The following THBS3 variants were observed in gnomAD, a reference collection of about 807,000 sequenced individuals.
THBS3 encodes thrombospondin 3.
THBS3 carries 78 observed loss-of-function variants against 118.3 expected under a neutral mutation model. The observed-to-expected ratio is 0.66, with a 90% CI of 0.55 to 0.80. The LOEUF is 0.80. THBS3 is among the 30% of genes least tolerant of loss of function. The probability of loss-of-function intolerance (pLI) is 0.00; values close to 1 mark genes in which losing one functional copy is unlikely to be tolerated. For synonymous variants in THBS3, 427 were observed against 475.3 expected, an observed-to-expected ratio of 0.90 and a Z score of 1.32; for missense variants, 1,057 against 1,247.4, an observed-to-expected ratio of 0.85 and a Z score of 2.30.
chr1:155,197,386 A>T lies in THBS3; in HGVS notation c.2499+77T>A. 1.3e-6 allele frequency: 2 copies of T among 1,557,946 alleles called. No individual in the cohort carries two copies. The highest frequency in any genetic ancestry group is 1.7e-6 in the Non-Finnish European group (2 of 1,145,854). On this transcript the variant is annotated intron_variant, in intron 20 of 22. Transcript: ENST00000368378. The surrounding 1 kb of genome is among the most constrained non-coding windows in gnomAD (Gnocchi z 5.0). ...TGGGTAAGAGGGTTCCCAGTCAAGC[A>T]GTGGGGGAGGCCCTGGGGCTGCAGA...
Position 155,195,794 on chromosome 1 carries a change from G to A in THBS3, c.*47C>T, listed in dbSNP as rs1304329164. 1 of 1,603,554 alleles carries A rather than the reference G, an allele frequency of 6.2e-7. No individual in the cohort carries two copies. Among genetic ancestry groups the A allele is most frequent in the South Asian group, 1.1e-5 (1 of 90,740 alleles). The stretch of plus-strand genomic sequence containing the variant: ...TCAGGGTCTCCAGGATGGACCCCAA[G>A]GCCAAAGGGTCTAAAATTCTGAATT... On this transcript the variant is annotated 3_prime_UTR_variant, in exon 23 of 23. Transcript: ENST00000368378.
Position 155,201,973 on chromosome 1 carries a change from A to G in THBS3, c.1160T>C (p.Ile387Thr). 1.2e-6 allele frequency: 2 copies of G among 1,614,062 alleles called. No individual in the cohort carries two copies. The highest frequency in any genetic ancestry group is 1.7e-6 in the Non-Finnish European group (2 of 1,180,024). Reference sequence around the variant, plus strand: ...TCAGCTCACCACAGTGTTGGTGCAGATGGAGTTTGGGTCACAGCCACCATT... The same window carrying G: ...TCAGCTCACCACAGTGTTGGTGCAGGTGGAGTTTGGGTCACAGCCACCATT... Reference protein sequence around the residue: ...GNNGGCDPNSICTNTVGSFKC... With the variant: ...GNNGGCDPNSTCTNTVGSFKC... The change falls in exon 10 of 23, where the codon ATC becomes ACC. Residue 387 changes from isoleucine (I) to threonine (T), a missense_variant. Transcript: ENST00000368378.
upstream of THBS3, chr1:155,207,977 G>GA (rs1670804185): frequency 1.3e-6 from 1 of 760,744 alleles, no homozygotes. Flanking sequence ...CAGAATTGGA[G>GA]GGGGGGCCAG....
chr1:155,201,815 A>C (rs1343717517), intron 10 of THBS3, 142 bp downstream of exon 10: 2 of 1,304,272 alleles, frequency 1.5e-6, no homozygotes, highest in Non-Finnish European at 2.1e-6. Flanking sequence ...CAGTATTCCA[A>C]ACCAAGTCCA....
chr1:155,199,946 C>A, intron 15 of THBS3, 49 bp downstream of exon 15: 1 of 1,609,712 alleles, frequency 6.2e-7, no homozygotes, highest in Non-Finnish European at 8.5e-7. Flanking sequence ...GCTGGGGCTT[C>A]ATCCATCAGT....
At chr1:155,196,301 A>G in intron 21 of THBS3, 175 bp from the exon 22 acceptor site, 1 of 741,150 alleles carries the variant, frequency 1.3e-6, no homozygotes, top group African/African-American at 1.8e-5. Flanking sequence ...TGCTTTTCTC[A>G]GGCCTGGGGC....
intron 13 of THBS3, 47 bp downstream of exon 13, chr1:155,200,850 G>A: frequency 1.2e-6 from 2 of 1,613,926 alleles, no homozygotes; most frequent in South Asian, 1.1e-5. Flanking sequence ...AGAGAGGACA[G>A]GAGGAGGGGA....
In THBS3 at chr1:155,203,271, G is replaced by T; in HGVS notation, c.708C>A (p.Thr236=). Residue 236 remains threonine (T), a synonymous_variant, in exon 6 of 23, where the codon ACC becomes ACA. Transcript: ENST00000368378. ...GCTCCACCAGGATCTGGTTGAAGAG[G>T]GTGAGTTGGGTGACCAGCGCCTTGG... The part of the protein sequence containing the change: ...EQTKALVTQL[T]LFNQILVELR... 6.2e-7 allele frequency: 1 copy of T among 1,614,152 alleles called. No homozygotes were observed. The highest frequency in any genetic ancestry group is 8.5e-7 in the Non-Finnish European group (1 of 1,180,040).
rs1418200857 is a variant in THBS3, at chr1:155,202,005, A to T, written c.1128T>A (p.Asp376Glu). The T allele has an allele frequency of 3.7e-6, 6 of 1,614,054 alleles. No individual in the cohort carries two copies. Among genetic ancestry groups the T allele is most frequent in the Non-Finnish European group, 5.1e-6 (6 of 1,180,050 alleles). The change falls in exon 10 of 23, where the codon GAT (aspartate) becomes GAA (glutamate). Residue 376 changes from aspartate (D) to glutamate (E), a missense_variant. Coordinates refer to ENST00000368378, the MANE Select transcript of THBS3 (RefSeq NM_007112.5). The surrounding 1 kb of genome is among the most constrained non-coding windows in gnomAD (Gnocchi z 5.5). ...TTGGGTCACAGCCACCATTGTTGCC[A>T]TCGTTGCATTCATCGATGTCATTGC... Reference protein sequence around the residue: ...QVCNDIDECNDGNNGGCDPNS... With the variant: ...QVCNDIDECNEGNNGGCDPNS...
At chr1:155,203,475 C>T (rs1670098806) in intron 5 of THBS3, 38 bp downstream of exon 5, 1 of 1,611,876 alleles carries the variant, frequency 6.2e-7, no homozygotes, top group Non-Finnish European at 8.5e-7. Context: ...GGGGCCTCCT[C>T]CCCGCTCCCC....
At chr1:155,199,564 G>T (rs423144) in intron 16 of THBS3, among the ~76,000 whole-genome samples, 61,062 of 151,878 alleles carry the variant, frequency 0.4, 13,323 homozygotes, top group East Asian at 0.76. Flanking sequence ...GACCAGCCTG[G>T]CCAACATGGT....
At position 155,201,207 on chromosome 1, in the gene THBS3, AG is replaced by A. The variant is rs776432346; in HGVS notation, c.1330-4del. On this transcript the variant is annotated splice_region_variant and splice_polypyrimidine_tract_variant and intron_variant, in intron 11 of 22. Transcript: ENST00000368378. ...TTCCCAGCCCAGCCCACGTTACACT[AG>A]GGCAACACAAAGGGTAGGAGCTAGC... 1.2e-5 allele frequency: 19 copies of A among 1,613,884 alleles called. No homozygotes were observed. The African/African-American group carries it at 2.5e-4, about 22-fold the overall frequency.
chr1:155,203,346 C>T (rs1340266742), intron 5 of THBS3, 41 bp from the exon 6 acceptor site: 1 of 1,608,706 alleles, frequency 6.2e-7, no homozygotes, highest in Non-Finnish European at 8.5e-7. Context: ...TACTGGAGCA[C>T]CAGTCCTGGG....
upstream of THBS3, chr1:155,208,096 T>G: frequency 1.7e-6 from 1 of 580,210 alleles, no homozygotes; most frequent in Non-Finnish European, 3.1e-6. Flanking sequence ...CTCCCTGCTT[T>G]CTACCTCTCC....
rs997860260 is a variant in THBS3, at chr1:155,206,567, C to G, written c.80-161G>C. Among the ~76,000 whole-genome samples the G allele has an allele frequency of 6.6e-6, 1 of 152,016 alleles. No individual in the cohort carries two copies. Among genetic ancestry groups the G allele is most frequent in the Admixed American group, 6.5e-5 (1 of 15,278 alleles). ...TGGTGGCTCGCACCTGTAATCCCAA[C>G]ACCTTGGGAGGTTGAGGCAGGTGGA... is the stretch of plus-strand genomic sequence containing the variant. On this transcript the variant is annotated intron_variant, in intron 1 of 22. Transcript: ENST00000368378. The surrounding 1 kb of genome is among the most constrained non-coding windows in gnomAD (Gnocchi z 4.2).
rs1201264647 is a variant in THBS3, at chr1:155,197,548, T to A, written c.2414A>T (p.Tyr805Phe). The change falls in exon 20 of 23, where the codon TAC (tyrosine) becomes TTC (phenylalanine). Residue 805 changes from tyrosine to phenylalanine, a missense_variant. Coordinates refer to ENST00000368378, the MANE Select transcript of THBS3 (RefSeq NM_007112.5). This position sits in a 1 kb window ranked among gnomAD's most constrained non-coding sequence, Gnocchi z 5.0. ...CTCGGTCTGCTTCCACATGACTACG[T>A]AGAAGCGGCCACTGTCTTGATAACT... ...LFSYQDSGRF[Y>F]VVMWKQTEQT... is the part of the protein sequence containing the mutation. The A allele has an allele frequency of 6.2e-7, 1 of 1,613,842 alleles. No individual in the cohort carries two copies. Among genetic ancestry groups the A allele is most frequent in the South Asian group, 1.1e-5 (1 of 91,080 alleles).
intron 1 of THBS3, 83 bp downstream of exon 1, chr1:155,207,715 T>TG (rs1416177287): frequency 7.0e-7 from 1 of 1,431,660 alleles, no homozygotes; most frequent in African/African-American, 1.4e-5. Flanking sequence ...CCTCTCCCCT[T>TG]GCCCACATGT....
upstream of THBS3, chr1:155,208,602 A>G (rs1571939821): frequency 1.7e-6 from 1 of 575,338 alleles, no homozygotes; most frequent in East Asian, 3.0e-5. Context: ...CACTGTGGGT[A>G]CTAGCGGACG....
intron 2 of THBS3, 164 bp from the exon 3 acceptor site, chr1:155,205,480 T>C: frequency 2.9e-6 from 3 of 1,044,222 alleles, no homozygotes; most frequent in Non-Finnish European, 4.0e-6. Context: ...ATAAATGTTT[T>C]TGAAATTGCT....
Sources: gnomAD v4.1 joint callset for allele counts (sites outside exome capture counted in the v4.1 genomes callset) on GRCh38, gnomAD v4.1.1 for gene constraint, Gnocchi (gnomAD v3.1) non-coding constraint, MANE v1.5 for transcripts, NCBI Gene and HGNC (gene_info 2026-07-23, HGNC 2026-07-21) for gene names.